The following ABCC1 variants were observed in gnomAD, a reference collection of about 807,000 sequenced individuals.
ABCC1 encodes the protein ATP binding cassette subfamily C member 1 (ABCC1 blood group).
A neutral mutation model predicts 172.9 loss-of-function variants in ABCC1; 83 were observed. The observed-to-expected ratio is 0.48, with a 90% CI of 0.40 to 0.58. ABCC1 has a LOEUF of 0.58. Ranked by LOEUF, ABCC1 falls within the 20% of genes least tolerant of loss-of-function variation. The pLI, the probability that ABCC1 is intolerant of heterozygous loss-of-function variation, is 0.00. For synonymous variants in ABCC1, 937 were observed against 825.2 expected, an observed-to-expected ratio of 1.14 and a Z score of -2.32; for missense variants, 1,817 against 2,002.7, an observed-to-expected ratio of 0.91 and a Z score of 1.77.
intron 10 of ABCC1, among the ~76,000 whole-genome samples, chr16:16,048,956 C>G (rs2049322403): frequency 6.6e-6 from 1 of 151,524 alleles, no homozygotes; most frequent in Non-Finnish European, 1.5e-5. Context: ...GCACTCCAGC[C>G]TGGGCAACAA....
In ABCC1 at chr16:16,046,149, T is replaced by TA; in HGVS notation, c.1218+137dup. On this transcript the variant is annotated intron_variant, in intron 9 of 30. Transcript: ENST00000399410. ...AGGATGAGGGTAGCTTCCGTGACCT[T>TA]AGGTGGCAGGGACAGCACGCATCAG... The TA allele has an allele frequency of 5.2e-6, 5 of 968,790 alleles. No individual in the cohort carries two copies. The South Asian group carries it at 7.9e-5, about 15-fold the overall frequency. 60.0% of individuals were successfully genotyped at this position (968,790 alleles called of 1,614,324 possible).
intron 1 of ABCC1, among the ~76,000 whole-genome samples, chr16:15,991,939 T>A (rs1260196760): frequency 2.0e-5 from 3 of 152,046 alleles, no homozygotes; most frequent in African/African-American, 7.2e-5. Context: ...GCATGCCCTG[T>A]TAGGAACCAG....
At chr16:16,070,318 T>C (rs55788216) in intron 13 of ABCC1, among the ~76,000 whole-genome samples, 10,806 of 147,718 alleles carry the variant, frequency 0.073, 491 homozygotes, top group African/African-American at 0.13. Flanking sequence ...CAGTGAGTTA[T>C]GTTTGCACCA....
intron 3 of ABCC1, among the ~76,000 whole-genome samples, chr16:16,013,270 G>GTTTTTTTTT (rs35420214): frequency 2.1e-5 from 3 of 145,798 alleles, no homozygotes; most frequent in Non-Finnish European, 3.0e-5. Context: ...GCCAGCACAT[G>GTTTTTTTTT]TTTTTTTTTT....
intron 1 of ABCC1, among the ~76,000 whole-genome samples, chr16:15,999,809 CCT>C (rs1555478343): frequency 3.6e-4 from 3 of 8,376 alleles, no homozygotes; most frequent in Non-Finnish European, 6.2e-4. Context: ...CTCTCTCTCT[CCT>C]CTCTCTCTCT....
At chr16:16,002,771 C>A (rs202133323) in intron 1 of ABCC1, among the ~76,000 whole-genome samples, 544 of 128,964 alleles carry the variant, frequency 4.2e-3, no homozygotes, top group East Asian at 4.8e-3. Context: ...GACCTTGTCT[C>A]AAAAAAAAAA....
chr16:16,083,481 G>C lies in ABCC1; in HGVS notation c.2231G>C (p.Cys744Ser). The change falls in exon 17 of 31, where the codon TGT becomes TCT. Residue 744 changes from cysteine to serine, a missense_variant. By Grantham distance (112) the Cys-to-Ser change is moderately radical (BLOSUM62 -1). Around this residue, in one of 3 missense-constraint regions of ABCC1, gnomAD observed 1,412 missense variants for 1,600.3 expected, o/e 0.88. Coordinates refer to ENST00000399410, the MANE Select transcript of ABCC1 (RefSeq NM_004996.4). ...EPYYRSVIQA[C>S]ALLPDLEILP... ...TATTACAGGTCCGTGATACAGGCCT[G>C]TGCCCTCCTCCCAGACCTGGAAATC... is the stretch of plus-strand genomic sequence containing the variant. 1.2e-6 allele frequency: 2 copies of C among 1,613,978 alleles called. No individual in the cohort carries two copies. The highest frequency in any genetic ancestry group is 1.1e-5 in the South Asian group (1 of 91,066).
At chr16:16,029,671 A>G (rs911985448) in intron 5 of ABCC1, among the ~76,000 whole-genome samples, 23 of 152,246 alleles carry the variant, frequency 1.5e-4, no homozygotes, top group Admixed American at 2.0e-4. Flanking sequence ...CCTGTTGTTC[A>G]TTGCTCAACT....
chr16:16,078,005 A>T (rs1258795127), intron 15 of ABCC1, among the ~76,000 whole-genome samples: 1 of 152,168 alleles, frequency 6.6e-6, no homozygotes, highest in Non-Finnish European at 1.5e-5. Context: ...TAAAAATACA[A>T]AAATTAGCTG....
intron 7 of ABCC1, 66 bp downstream of exon 7, chr16:16,036,669 A>G (rs759099793): frequency 9.1e-6 from 14 of 1,537,898 alleles, no homozygotes; most frequent in Admixed American, 1.8e-5. Flanking sequence ...TGTGGCCTCA[A>G]TCCAGGATGG....
chr16:16,095,520 C>G (rs977731317), intron 19 of ABCC1, among the ~76,000 whole-genome samples: 3 of 152,180 alleles, frequency 2.0e-5, no homozygotes, highest in Non-Finnish European at 2.9e-5. Flanking sequence ...TCCCCCTTAC[C>G]CTGCCCCCCG....
chr16:16,108,121 A>G (rs1171263923), intron 21 of ABCC1, among the ~76,000 whole-genome samples: 1 of 152,108 alleles, frequency 6.6e-6, no homozygotes, highest in Non-Finnish European at 1.5e-5. Context: ...ATCGCAGGAC[A>G]TGGGAAGGAA....
At chr16:16,027,540 C>T (rs1363787283) in intron 5 of ABCC1, among the ~76,000 whole-genome samples, 3 of 152,028 alleles carry the variant, frequency 2.0e-5, no homozygotes, top group African/African-American at 4.8e-5. Flanking sequence ...AGGTTGGGCA[C>T]GGTGGTTCAT....
At chr16:15,996,479 A>G (rs1050663575) in intron 1 of ABCC1, among the ~76,000 whole-genome samples, 20 of 152,122 alleles carry the variant, frequency 1.3e-4, no homozygotes, top group African/African-American at 4.6e-4. Flanking sequence ...GCCTCAGTGG[A>G]ACTTGTGGTA....
Position 15,949,632 on chromosome 16 carries a change from CCAGCGCTA to C in ABCC1, c.-119_-112del. On this transcript the variant is annotated 5_prime_UTR_variant, in exon 1 of 31. Coordinates refer to ENST00000399410, the MANE Select transcript of ABCC1 (RefSeq NM_004996.4). ...CCCTGCGCCGCCGCCGCCGCCGCCG[CCAGCGCTA>C]GCGCCAGCAGCCGGGCCCGATCACC... 1.5e-6 allele frequency: 1 copy of C among 686,066 alleles called. No individual in the cohort carries two copies. Among genetic ancestry groups the C allele is most frequent in the Non-Finnish European group, 1.8e-6 (1 of 558,054 alleles). 42.5% of individuals were successfully genotyped at this position (686,066 alleles called of 1,614,324 possible).
intron 21 of ABCC1, 108 bp from the exon 22 acceptor site, chr16:16,111,267 G>A: frequency 1.1e-6 from 1 of 870,272 alleles, no homozygotes; most frequent in East Asian, 2.4e-5. Flanking sequence ...AGGAGCAAAG[G>A]CAGGCAGCTG....
At chr16:15,999,769 T>TCTCTCTCTCTCTC (rs2047186174) in intron 1 of ABCC1, among the ~76,000 whole-genome samples, 3 of 25,356 alleles carry the variant, frequency 1.2e-4, no homozygotes, top group Non-Finnish European at 1.8e-4. Context: ...CCCGGCCTCT[T>TCTCTCTCTCTCTC]TCTCTCTCTC....
At position 16,052,711 on chromosome 16, in the gene ABCC1, T is replaced by C. The variant is rs550170715; in HGVS notation, c.1381-13T>C. ...GTCTGGTGAGTGATGAAGAGTCTCC[T>C]TTCCTTCCTTAGAATCTGGGCCCTT... is the stretch of plus-strand genomic sequence containing the variant. On this transcript the variant is annotated splice_polypyrimidine_tract_variant and intron_variant, in intron 10 of 30. Transcript: ENST00000399410. 1.9e-6 allele frequency: 3 copies of C among 1,613,740 alleles called. No individual in the cohort carries two copies. The East Asian group carries it at 6.7e-5, about 36-fold the overall frequency.
At chr16:16,071,607 A>G in intron 13 of ABCC1, 35 bp from the exon 14 acceptor site, 1 of 1,598,480 alleles carries the variant, frequency 6.3e-7, no homozygotes, top group South Asian at 1.1e-5. Flanking sequence ...ATGCTTTTTA[A>G]AAATAACTCT....
Sources: gnomAD v4.1 joint callset for allele counts (sites outside exome capture counted in the v4.1 genomes callset) on GRCh38, gnomAD v4.1.1 for gene constraint, gnomAD v4.1.1 regional missense constraint, MANE v1.5 for transcripts, NCBI Gene and HGNC (gene_info 2026-07-23, HGNC 2026-07-21) for gene names.